Variants in MAMSTR observed in about 807,000 individuals in gnomAD.
MAMSTR encodes the protein MEF2-activating motif and SAP domain-containing transcriptional regulator.
Under a neutral mutation model 42.7 loss-of-function variants are expected in MAMSTR, and 41 were observed. The observed-to-expected ratio is 0.96, with a 90% CI of 0.75 to 1.25. The LOEUF is 1.25. MAMSTR is among the 50% of genes most tolerant of loss of function. MAMSTR has a pLI of 0.00. For synonymous variants in MAMSTR, 265 were observed against 244.1 expected (o/e 1.09, Z -0.80); for missense variants, 567 against 557.6 (o/e 1.02, Z -0.17).
intron 2 of MAMSTR, among the ~76,000 whole-genome samples, chr19:48,717,625 C>T (rs1360406461): frequency 1.3e-5 from 2 of 151,632 alleles, no homozygotes; most frequent in Non-Finnish European, 2.9e-5. Flanking sequence ...ACCTCTGCCT[C>T]CCAGGTTCAA....
chr19:48,710,446 G>A (rs1275830468), downstream of MAMSTR, among the ~76,000 whole-genome samples: 49 of 139,364 alleles, frequency 3.5e-4, no homozygotes, highest in Admixed American at 8.8e-4. Flanking sequence ...TTGAAACACA[G>A]GATCTTGATC....
chr19:48,718,980 G>A lies in MAMSTR; in HGVS notation c.52C>T (p.Arg18Ter), dbSNP rs1299209719. Reference protein sequence around the residue: ...QRSQIIRSKFRSVLQLRIHRR... With the variant: ...QRSQIIRSKF The stretch of plus-strand genomic sequence containing the variant: ...AAAGAGAGCCCTCTCTCACCAGATC[G>A]GAACTTGGAGCGAATGATTTGGGAA... Residue 18 changes from arginine (R) to a stop codon, truncating the protein, a stop_gained, in exon 2 of 10, where the codon CGA becomes TGA. Transcript: ENST00000318083. LOFTEE classifies it high-confidence loss of function. 8 of 1,550,554 alleles carry A rather than the reference G, an allele frequency of 5.2e-6. No individual in the cohort carries two copies. Among genetic ancestry groups the A allele is most frequent in the African/African-American group, 1.4e-5 (1 of 72,962 alleles).
intron 2 of MAMSTR, chr19:48,716,980 TG>T (rs1568470302): frequency 8.6e-7 from 1 of 1,158,662 alleles, no homozygotes; most frequent in African/African-American, 1.6e-5. Context: ...CCAGCCAGCG[TG>T]CAGGCTGGAG....
intron 9 of MAMSTR, 54 bp from the exon 10 acceptor site, chr19:48,713,604 GC>G: frequency 6.3e-7 from 1 of 1,597,928 alleles, no homozygotes; most frequent in Non-Finnish European, 8.6e-7. Context: ...CCGGGCGCCA[GC>G]CCCCCATACC....
chr19:48,708,217 A>G (rs1237157204), downstream of MAMSTR, among the ~76,000 whole-genome samples: 1 of 147,776 alleles, frequency 6.8e-6, no homozygotes, highest in African/African-American at 2.5e-5. Context: ...CTGGGCAACA[A>G]GAGTGAACTC....
chr19:48,707,887 G>GAAAGAA (rs1568464082), downstream of MAMSTR, among the ~76,000 whole-genome samples: 1 of 75,282 alleles, frequency 1.3e-5, no homozygotes, highest in Non-Finnish European at 2.6e-5. Context: ...AAGAAAGAAA[G>GAAAGAA]AAAAGAAAGA....
At position 48,715,675 on chromosome 19, in the gene MAMSTR, C is replaced by G; in HGVS notation, c.190G>C (p.Val64Leu). The G allele has an allele frequency of 6.5e-7, 1 of 1,542,710 alleles. No homozygotes were observed. Among genetic ancestry groups the G allele is most frequent in the Non-Finnish European group, 8.7e-7 (1 of 1,144,792 alleles). Residue 64 changes from valine (V) to leucine (L), a missense_variant, in exon 4 of 10, where the codon GTC (valine) becomes CTC (leucine). Transcript: ENST00000318083. ...CAATATTCTGGCTCGGGGAGCAGGA[C>G]CCCAGGGCTGAAGAGGAAAGGGGCC... is the stretch of plus-strand genomic sequence containing the variant. Reference protein sequence around the residue: ...GTAPFLFSPGVLLPEPEYCPP... With the variant: ...GTAPFLFSPGLLLPEPEYCPP...
Position 48,719,655 on chromosome 19 carries a change from C to T in MAMSTR, c.-22+24G>A, listed in dbSNP as rs375151305. ...AGAACCGTTGAGGAGTGCGCCCCCC[C>T]CGTCCACCCCAGGGGCTTCTCACCA... On this transcript the variant is annotated intron_variant, in intron 1 of 9. Coordinates refer to ENST00000318083, the MANE Select transcript of MAMSTR (RefSeq NM_001130915.2). This position sits in a 1 kb window ranked among gnomAD's most constrained non-coding sequence, Gnocchi z 4.4. The T allele has an allele frequency of 1.3e-5, 2 of 152,902 alleles. No individual in the cohort carries two copies. The highest frequency in any genetic ancestry group is 2.9e-5 in the Non-Finnish European group (2 of 68,640). 9.5% of individuals were successfully genotyped at this position (152,902 alleles called of 1,614,324 possible).
chr19:48,710,793 T>A (rs374104775), downstream of MAMSTR, among the ~76,000 whole-genome samples: 1 of 151,762 alleles, frequency 6.6e-6, no homozygotes, highest in Non-Finnish European at 1.5e-5. Flanking sequence ...TTCACCATAT[T>A]GGTCAGGCTA....
At chr19:48,715,819 G>A (rs1450579132) in intron 3 of MAMSTR, 52 bp from the exon 4 acceptor site, 3 of 1,512,672 alleles carry the variant, frequency 2.0e-6, no homozygotes, top group African/African-American at 1.4e-5. Context: ...AAGCCAGGCC[G>A]GGAGGAGCAA....
the MAMSTR span, chr19:48,706,072 G>C: frequency 1.3e-5 from 2 of 151,572 alleles, no homozygotes; most frequent in Non-Finnish European, 2.9e-5. Flanking sequence ...GATCACCTGA[G>C]GTCAGGAGTT....
At position 48,714,799 on chromosome 19, in the gene MAMSTR, A is replaced by G. The variant is rs777738671; in HGVS notation, c.528+7T>C. On this transcript the variant is annotated splice_region_variant and intron_variant, in intron 6 of 9. Transcript: ENST00000318083. ...AGAAGGCCTGGAAAGTTACACCCCA[A>G]ACTCACCGTCAGCTCCTCCAGTTTA... 9 of 1,597,560 alleles carry G rather than the reference A, an allele frequency of 5.6e-6. No homozygotes were observed. In the South Asian group the frequency reaches 7.7e-5, roughly 14 times the overall value.
Position 48,714,877 on chromosome 19 carries a change from G to C in MAMSTR, c.457C>G (p.Pro153Ala). ...GGGGGCGAGGGGCTAGGGACTCCTG[G>C]TGGGCAGGGAGTGAGGGGAGAGGGC... ...MKPSPLTPCP[P>A]GVPSPSPPPH... The change falls in exon 6 of 10, where the codon CCA (proline) becomes GCA (alanine). Residue 153 changes from proline to alanine, a missense_variant. Coordinates refer to ENST00000318083, the MANE Select transcript of MAMSTR (RefSeq NM_001130915.2). 1 of 1,611,780 alleles carries C rather than the reference G, an allele frequency of 6.2e-7. No individual in the cohort carries two copies. The highest frequency in any genetic ancestry group is 2.2e-5 in the East Asian group (1 of 44,840).
Position 48,714,507 on chromosome 19 carries a change from G to A in MAMSTR, c.582C>T (p.Thr194=), listed in dbSNP as rs948096730. The A allele has an allele frequency of 1.4e-6, 2 of 1,444,722 alleles. No individual in the cohort carries two copies. Among genetic ancestry groups the A allele is most frequent in the Non-Finnish European group, 1.8e-6 (2 of 1,111,938 alleles). 89.5% of individuals were successfully genotyped at this position (1,444,722 alleles called of 1,614,324 possible). A position where few individuals can be genotyped will look rare whatever the true frequency, so the allele number is the denominator to read the frequency against. ...GCATGCGCTCCAGGAGCATAGACTT[G>A]GTCCCCGACACTGGGAGGCCCCGCA... ...LRLRGLPVSG[T]KSMLLERMRG... The change falls in exon 7 of 10, where the codon ACC becomes ACT. Residue 194 remains threonine, a synonymous_variant. Coordinates refer to ENST00000318083, the MANE Select transcript of MAMSTR (RefSeq NM_001130915.2).
chr19:48,714,968 T>C, intron 5 of MAMSTR, 60 bp from the exon 6 acceptor site: 2 of 1,134,054 alleles, frequency 1.8e-6, no homozygotes, highest in Admixed American at 4.4e-5. Flanking sequence ...AAAGGCGTTC[T>C]GGGGTCCTCA....
At chr19:48,718,224 C>G (rs1231584045) in intron 2 of MAMSTR, among the ~76,000 whole-genome samples, 10 of 152,168 alleles carry the variant, frequency 6.6e-5, no homozygotes, top group Non-Finnish European at 1.5e-4. Context: ...CACATTTCTG[C>G]TTTTCTCTGG....
chr19:48,708,712 T>C (rs676388), downstream of MAMSTR, among the ~76,000 whole-genome samples: 70,526 of 151,950 alleles, frequency 0.46, 17,364 homozygotes, highest in Middle Eastern at 0.58. Flanking sequence ...CCACTCTGGA[T>C]GCAGGCGAGA....
intron 6 of MAMSTR, 27 bp downstream of exon 6, chr19:48,714,779 G>T: frequency 6.6e-7 from 1 of 1,520,808 alleles, no homozygotes; most frequent in Non-Finnish European, 9.1e-7. Flanking sequence ...GAGAGAGAAG[G>T]CCTGGAAAGT....
the MAMSTR span, among the ~76,000 whole-genome samples, chr19:48,707,105 C>T: frequency 4.6e-5 from 7 of 150,984 alleles, no homozygotes; most frequent in Non-Finnish European, 1.0e-4. Context: ...GACACCATCA[C>T]TAACAAAATT....
Sources: gnomAD v4.1 joint callset for allele counts (sites outside exome capture counted in the v4.1 genomes callset) on GRCh38, gnomAD v4.1.1 for gene constraint, Gnocchi (gnomAD v3.1) non-coding constraint, MANE v1.5 for transcripts, NCBI Gene and HGNC (gene_info 2026-07-23, HGNC 2026-07-21) for gene names.